Variants in EPS8L1 observed in about 807,000 individuals in gnomAD.
The protein encoded by EPS8L1 is epidermal growth factor receptor kinase substrate 8-like protein 1.
EPS8L1 carries 101 observed loss-of-function variants against 91.7 expected under a neutral mutation model. The ratio of observed to expected loss-of-function variants is 1.10; its 90% confidence interval spans 0.94 to 1.30. EPS8L1 has a LOEUF of 1.30. Ranked by LOEUF, EPS8L1 falls within the 50% of genes most tolerant of loss-of-function variation. The pLI, the probability that EPS8L1 is intolerant of heterozygous loss-of-function variation, is 0.00. For synonymous variants in EPS8L1, 506 were observed against 445.3 expected, an observed-to-expected ratio of 1.14 and a Z score of -1.72; for missense variants, 1,114 against 1,017.0, an observed-to-expected ratio of 1.10 and a Z score of -1.30.
chr19:55,080,539 G>T (rs754471085), intron 6 of EPS8L1: 1 of 1,612,672 alleles, frequency 6.2e-7, no homozygotes, highest in African/African-American at 1.3e-5. Flanking sequence ...CAGCCAGGAC[G>T]AGGTGGGGGC....
At chr19:55,087,484 G>A in intron 19 of EPS8L1, 44 bp from the exon 20 acceptor site, 3 of 1,614,124 alleles carry the variant, frequency 1.9e-6, no homozygotes, top group Admixed American at 1.7e-5. Flanking sequence ...GGGATGACGA[G>A]GGCTCGGACG....
chr19:55,087,280 G>A (rs745388234), intron 18 of EPS8L1, 23 bp from the exon 19 acceptor site: 3 of 1,581,250 alleles, frequency 1.9e-6, no homozygotes, highest in Non-Finnish European at 2.6e-6. Flanking sequence ...CGGCCTGACC[G>A]CGCCCGGGCT....
intron 9 of EPS8L1, 85 bp from the exon 10 acceptor site, chr19:55,082,007 G>T (rs765121339): frequency 3.6e-5 from 56 of 1,551,180 alleles, no homozygotes; most frequent in Non-Finnish European, 4.2e-5. Context: ...TGACCTCACC[G>T]CCATCTTAAC....
chr19:55,080,638 A>G (rs2076236058), intron 6 of EPS8L1, 134 bp from the exon 7 acceptor site: 3 of 1,569,008 alleles, frequency 1.9e-6, no homozygotes, highest in African/African-American at 1.3e-5. Flanking sequence ...CGGGGCGTGG[A>G]CGTGCGTGGG....
At chr19:55,076,348 G>T in intron 1 of EPS8L1, 60 bp from the exon 2 acceptor site, 2 of 1,485,258 alleles carry the variant, frequency 1.3e-6, no homozygotes, top group Non-Finnish European at 1.8e-6. Flanking sequence ...GAGGGAGGAG[G>T]CTGGGGTAGG....
intron 18 of EPS8L1, 57 bp downstream of exon 18, chr19:55,086,945 G>C: frequency 7.1e-7 from 1 of 1,400,964 alleles, no homozygotes; most frequent in Non-Finnish European, 9.2e-7. Context: ...GGAGCGGAGC[G>C]TTCCGATCGG....
In EPS8L1 at chr19:55,087,892, G is replaced by A. The variant is rs2076370038; in HGVS notation, c.*278G>A. ...GGAGCCCTGAGCATTGTAATATGCG[G>A]CCCAGCCTATAAACAGCCTCCGTGC... is the stretch of plus-strand genomic sequence containing the variant. On this transcript the variant is annotated 3_prime_UTR_variant, in exon 20 of 20. Transcript: ENST00000201647. 2 of 466,840 alleles carry A rather than the reference G, an allele frequency of 4.3e-6. No homozygotes were observed. The highest frequency in any genetic ancestry group is 2.2e-5 in the South Asian group (1 of 45,832). 28.9% of individuals were successfully genotyped at this position (466,840 alleles called of 1,614,324 possible). A position where few individuals can be genotyped will look rare whatever the true frequency, so the allele number is the denominator to read the frequency against.
chr19:55,086,530 G>T lies in EPS8L1; in HGVS notation c.1777+12G>T, dbSNP rs1280718129. 1 of 1,550,516 alleles carries T rather than the reference G, an allele frequency of 6.4e-7. No individual in the cohort carries two copies. Among genetic ancestry groups the T allele is most frequent in the Admixed American group, 2.0e-5 (1 of 50,962 alleles). ...CCCCAGCGAGAAGGGTGAGTGGTGG[G>T]GACGCCGGCTGCGGGGAGCGGTCCT... On this transcript the variant is annotated intron_variant, in intron 17 of 19. Transcript: ENST00000201647.
chr19:55,081,752 T>G lies in EPS8L1; in HGVS notation c.775-21T>G. The G allele has an allele frequency of 6.3e-7, 1 of 1,587,022 alleles. No homozygotes were observed. Among genetic ancestry groups the G allele is most frequent in the Non-Finnish European group, 8.6e-7 (1 of 1,163,946 alleles). On this transcript the variant is annotated intron_variant, in intron 8 of 19. Transcript: ENST00000201647. The surrounding 1 kb of genome is among the most constrained non-coding windows in gnomAD (Gnocchi z 4.9). ...TTTTGGAACTCGGGAGCCCTGAGCGTCCCCCTCCTCTGTCCCCTAGGACAT... is the reference window on the plus strand; with the variant it reads ...TTTTGGAACTCGGGAGCCCTGAGCGGCCCCCTCCTCTGTCCCCTAGGACAT...
chr19:55,086,014 C>T, intron 15 of EPS8L1, 41 bp downstream of exon 15: 1 of 1,601,840 alleles, frequency 6.2e-7, no homozygotes, highest in Non-Finnish European at 8.5e-7. Flanking sequence ...ATTAGCCAGC[C>T]CTAGCTGCAG....
Position 55,079,812 on chromosome 19 carries a change from G to A in EPS8L1, c.240G>A (p.Val80=), listed in dbSNP as rs1221371461. ...RVWAQEMLLR[V]SPDHVTLLDP... Reference sequence around the variant, plus strand: ...GGGCACAGGAGATGCTGCTGCGAGTGTCTCCCGACCATGTCACGCTGCTCG... The same window carrying A: ...GGGCACAGGAGATGCTGCTGCGAGTATCTCCCGACCATGTCACGCTGCTCG... The change falls in exon 5 of 20, where the codon GTG becomes GTA. Residue 80 remains valine (V), a synonymous_variant. Transcript: ENST00000201647. 6.8e-6 allele frequency: 11 copies of A among 1,613,892 alleles called. No homozygotes were observed. Among genetic ancestry groups the A allele is most frequent in the Admixed American group, 1.7e-5 (1 of 59,990 alleles).
In EPS8L1 at chr19:55,081,879, G is replaced by C. The variant is rs368937566; in HGVS notation, c.881G>C (p.Ser294Thr). ...GAGCACCGGGAACGCGGCCGCAGGA[G>C]CCGGCGCCGGGCGGCTGGGGGTAAG... Reference protein sequence around the residue: ...VLEHRERGRRSRRRAAGEGLL... With the variant: ...VLEHRERGRRTRRRAAGEGLL... The change falls in exon 9 of 20, where the codon AGC becomes ACC. Residue 294 changes from serine (S) to threonine (T), a missense_variant. Coordinates refer to ENST00000201647, the MANE Select transcript of EPS8L1 (RefSeq NM_133180.3). This position sits in a 1 kb window ranked among gnomAD's most constrained non-coding sequence, Gnocchi z 4.9. The C allele has an allele frequency of 2.2e-5, 35 of 1,608,368 alleles. No individual in the cohort carries two copies. The highest frequency in any genetic ancestry group is 1.8e-5 in the Non-Finnish European group (21 of 1,176,716).
At chr19:55,079,494 T>G in intron 4 of EPS8L1, 196 bp from the exon 5 acceptor site, 1 of 653,706 alleles carries the variant, frequency 1.5e-6, no homozygotes, top group Non-Finnish European at 2.6e-6. Context: ...GAAGCCAGAC[T>G]CAGGTGCTAG....
At position 55,081,757 on chromosome 19, in the gene EPS8L1, C is replaced by T; in HGVS notation, c.775-16C>T. 2 of 1,593,124 alleles carry T rather than the reference C, an allele frequency of 1.3e-6. No homozygotes were observed. Among genetic ancestry groups the T allele is most frequent in the Non-Finnish European group, 1.7e-6 (2 of 1,167,748 alleles). On this transcript the variant is annotated splice_polypyrimidine_tract_variant and intron_variant, in intron 8 of 19. Coordinates refer to ENST00000201647, the MANE Select transcript of EPS8L1 (RefSeq NM_133180.3). This position sits in a 1 kb window ranked among gnomAD's most constrained non-coding sequence, Gnocchi z 4.9. Reference sequence around the variant, plus strand: ...GAACTCGGGAGCCCTGAGCGTCCCCCTCCTCTGTCCCCTAGGACATCCTGA... The same window carrying T: ...GAACTCGGGAGCCCTGAGCGTCCCCTTCCTCTGTCCCCTAGGACATCCTGA...
In EPS8L1 at chr19:55,082,110, G is replaced by A. The variant is rs952838328; in HGVS notation, c.920G>A (p.Arg307Gln). Residue 307 changes from arginine to glutamine, a missense_variant, in exon 10 of 20, where the codon CGG becomes CAG. By Grantham distance (43) the Arg-to-Gln change is conservative. Coordinates refer to ENST00000201647, the MANE Select transcript of EPS8L1 (RefSeq NM_133180.3). Reference sequence around the variant, plus strand: ...CCCTCAGAGGGCTTGCTGACGCTGCGGGCCAAGCCGCCCTCGGAGGCCGAG... The same window carrying A: ...CCCTCAGAGGGCTTGCTGACGCTGCAGGCCAAGCCGCCCTCGGAGGCCGAG... ...RAAGEGLLTL[R>Q]AKPPSEAEYT... 5 of 1,598,064 alleles carry A rather than the reference G, an allele frequency of 3.1e-6. No individual in the cohort carries two copies. Among genetic ancestry groups the A allele is most frequent in the Non-Finnish European group, 4.3e-6 (5 of 1,173,018 alleles).
Position 55,080,218 on chromosome 19 carries a change from G to C in EPS8L1, c.369G>C (p.Val123=), listed in dbSNP as rs766451385. 1 of 1,539,532 alleles carries C rather than the reference G, an allele frequency of 6.5e-7. No individual in the cohort carries two copies. Among genetic ancestry groups the C allele is most frequent in the South Asian group, 1.2e-5 (1 of 83,654 alleles). ...PGRSRSLLLL[V]CQEPERAQPD... Reference sequence around the variant, plus strand: ...GGAGCCGCTCGTTGCTGCTGCTCGTGTGCCAGGAACCCGAGCGCGCGCAGC... The same window carrying C: ...GGAGCCGCTCGTTGCTGCTGCTCGTCTGCCAGGAACCCGAGCGCGCGCAGC... The change falls in exon 6 of 20, where the codon GTG becomes GTC. Residue 123 remains valine (V), a synonymous_variant. Transcript: ENST00000201647.
At position 55,083,376 on chromosome 19, in the gene EPS8L1, A is replaced by G. The variant is rs2076310966; in HGVS notation, c.1215-2A>G. 3 of 1,611,938 alleles carry G rather than the reference A, an allele frequency of 1.9e-6. No individual in the cohort carries two copies. Among genetic ancestry groups the G allele is most frequent in the African/African-American group, 1.3e-5 (1 of 75,018 alleles). On this transcript the variant is annotated splice_acceptor_variant, in intron 12 of 19. Coordinates refer to ENST00000201647, the MANE Select transcript of EPS8L1 (RefSeq NM_133180.3). LOFTEE classifies it high-confidence loss of function. The surrounding 1 kb of genome is among the most constrained non-coding windows in gnomAD (Gnocchi z 4.7). ...AGCTCTTGGCCCTGTCCCTGGCCGC[A>G]GGCTGGAGCTGTCCCCGGAGGAGGG...
intron 3 of EPS8L1, among the ~76,000 whole-genome samples, 160 bp downstream of exon 3, chr19:55,078,288 G>A (rs74182549): frequency 2.5e-5 from 2 of 80,922 alleles, no homozygotes; most frequent in Non-Finnish European, 5.2e-5. Flanking sequence ...AGGGAAGAGG[G>A]GCTGGGGGGC....
In EPS8L1 at chr19:55,086,777, C is replaced by T. The variant is rs771461834; in HGVS notation, c.1841C>T (p.Ser614Leu). The T allele has an allele frequency of 4.4e-6, 7 of 1,608,956 alleles. No homozygotes were observed. Among genetic ancestry groups the T allele is most frequent in the East Asian group, 2.2e-5 (1 of 44,720 alleles). Residue 614 changes from serine to leucine, a missense_variant, in exon 18 of 20, where the codon TCG (serine) becomes TTG (leucine). Transcript: ENST00000201647. ...ELQARLAQGR[S>L]GPSRAVPGPR... is the part of the protein sequence containing the mutation. ...CAGGCGCGCCTGGCCCAGGGCCGCT[C>T]GGGACCGAGCCGCGCAGTCCCAGGG...
Sources: allele counts gnomAD v4.1 joint callset (sites outside exome capture counted in the v4.1 genomes callset), GRCh38; gene constraint gnomAD v4.1.1; non-coding constraint Gnocchi (gnomAD v3.1); transcripts MANE v1.5; gene names NCBI Gene and HGNC (gene_info 2026-07-23, HGNC 2026-07-21).